GALK2: variants seen among roughly 807,000 people sequenced by gnomAD.
GALK2 encodes the protein galactokinase 2.
GALK2 carries 36 observed loss-of-function variants against 52.4 expected under a neutral mutation model. The ratio of observed to expected loss-of-function variants is 0.69; its 90% CI spans 0.53 to 0.91. GALK2 has a LOEUF of 0.91. GALK2 is among the 40% of genes least tolerant of loss of function. GALK2 has a pLI of 0.00. For missense variants in GALK2, 579 were observed against 559.1 expected, an observed-to-expected ratio of 1.04 and a Z score of -0.36; for synonymous variants, 176 against 199.1, an observed-to-expected ratio of 0.88 and a Z score of 0.98.
intron 8 of GALK2, among the ~76,000 whole-genome samples, chr15:49,300,216 T>C (rs1174348986): frequency 6.6e-6 from 1 of 152,076 alleles, no homozygotes; most frequent in African/African-American, 2.4e-5. Flanking sequence ...TTTTTGATCA[T>C]TGTTAGCTTT....
At chr15:49,280,414 C>T (rs1217838429) in intron 5 of GALK2, among the ~76,000 whole-genome samples, 1 of 152,064 alleles carries the variant, frequency 6.6e-6, no homozygotes, top group Non-Finnish European at 1.5e-5. Context: ...TTTGTAAAGA[C>T]AATGAGATGT....
chr15:49,239,283 A>C lies in GALK2; in HGVS notation c.420A>C (p.Pro140=), dbSNP rs2090981223. The C allele has an allele frequency of 1.9e-6, 3 of 1,614,090 alleles. No individual in the cohort carries two copies. Among genetic ancestry groups the C allele is most frequent in the Non-Finnish European group, 2.5e-6 (3 of 1,179,992 alleles). The change falls in exon 5 of 10, where the codon CCA becomes CCC. Residue 140 remains proline, a synonymous_variant. Transcript: ENST00000560031. ...MNCLVDGNIP[P]SSGLSSSSAL... is the part of the protein sequence containing the mutation. ...GCCTGGTAGATGGAAATATCCCACC[A>C]AGTTCTGGCCTCTCCAGCTCCAGTG...
At chr15:49,274,611 T>G (rs768851014) in intron 5 of GALK2, among the ~76,000 whole-genome samples, 2 of 152,216 alleles carry the variant, frequency 1.3e-5, no homozygotes, top group Non-Finnish European at 2.9e-5. Context: ...TAGCTTGCTG[T>G]AACTTTCTTA....
chr15:49,334,410 T>C (rs1350604584), downstream of GALK2: 1 of 169,286 alleles, frequency 5.9e-6, no homozygotes, highest in African/African-American at 2.4e-5. Flanking sequence ...TACAAACCAA[T>C]TCATTCCCTC....
chr15:49,156,305 G>C (rs2084446840), intron 1 of GALK2: 1 of 440,274 alleles, frequency 2.3e-6, no homozygotes, highest in South Asian at 2.2e-5. Context: ...CTGTGAACCT[G>C]AGGGCATCAT....
chr15:49,353,471 C>T (rs1331886689), intron 3 of GALK2: 1 of 152,076 alleles, frequency 6.6e-6, no homozygotes, highest in Non-Finnish European at 1.5e-5. Context: ...ATTTTTAGGC[C>T]TGTATGTTTT....
chr15:49,364,507 A>C (rs550045918), intron 3 of GALK2, among the ~76,000 whole-genome samples: 7 of 151,994 alleles, frequency 4.6e-5, no homozygotes, highest in Non-Finnish European at 8.8e-5. Context: ...GTTTCTCTAC[A>C]GCTGAAAAAA....
At chr15:49,357,183 G>C (rs572217709) in intron 3 of GALK2, among the ~76,000 whole-genome samples, 1 of 149,436 alleles carries the variant, frequency 6.7e-6, no homozygotes, top group South Asian at 2.1e-4. Context: ...AACTAGAAAA[G>C]CAAGAGCAAA....
At chr15:49,269,396 A>G (rs1177630310) in intron 5 of GALK2, among the ~76,000 whole-genome samples, 1 of 152,304 alleles carries the variant, frequency 6.6e-6, no homozygotes, top group East Asian at 1.9e-4. Flanking sequence ...CATAGGCCTC[A>G]TAAACATGGG....
At chr15:49,303,103 G>A (rs2035249097) in intron 8 of GALK2, among the ~76,000 whole-genome samples, 1 of 152,000 alleles carries the variant, frequency 6.6e-6, no homozygotes, top group African/African-American at 2.4e-5. Flanking sequence ...TTGTCTGGCT[G>A]TGGAGGACAG....
At chr15:49,172,122 T>G (rs1194302687) in intron 1 of GALK2, among the ~76,000 whole-genome samples, 1 of 152,234 alleles carries the variant, frequency 6.6e-6, no homozygotes, top group African/African-American at 2.4e-5. Context: ...ATTCCTAATG[T>G]GTTTCCATTT....
At chr15:49,201,780 A>G (rs2087798010) in intron 2 of GALK2, among the ~76,000 whole-genome samples, 1 of 152,210 alleles carries the variant, frequency 6.6e-6, no homozygotes, top group Non-Finnish European at 1.5e-5. Flanking sequence ...CCCTATATAT[A>G]ATAATTGACA....
At chr15:49,275,162 T>C (rs1030826124) in intron 5 of GALK2, among the ~76,000 whole-genome samples, 2 of 152,222 alleles carry the variant, frequency 1.3e-5, no homozygotes, top group Non-Finnish European at 2.9e-5. Flanking sequence ...TGTAATGTGA[T>C]GTTACAACAG....
At chr15:49,242,247 A>G (rs531360298) in intron 5 of GALK2, among the ~76,000 whole-genome samples, 1 of 152,336 alleles carries the variant, frequency 6.6e-6, no homozygotes, top group African/African-American at 2.4e-5. Context: ...AGAGTTTAAT[A>G]AAGAGACTTT....
At chr15:49,269,330 G>A (rs17396747) in intron 5 of GALK2, among the ~76,000 whole-genome samples, 25,790 of 152,090 alleles carry the variant, frequency 0.17, 2,461 homozygotes, top group Non-Finnish European at 0.21. Flanking sequence ...CAAGGTCAGG[G>A]GCCTGGTAGA....
Position 49,235,856 on chromosome 15 carries a change from T to C in GALK2, c.272T>C (p.Phe91Ser). Reference protein sequence around the residue: ...LANTNPLYPDFSTSANNIQID... With the variant: ...LANTNPLYPDSSTSANNIQID... Reference sequence around the variant, plus strand: ...GGTGTCTTTTGTCTTCGCAGGGACTTCAGTACTAGTGCTAATAACATCCAG... The same window carrying C: ...GGTGTCTTTTGTCTTCGCAGGGACTCCAGTACTAGTGCTAATAACATCCAG... Residue 91 changes from phenylalanine (F) to serine (S), a missense_variant, in exon 4 of 10, where the codon TTC becomes TCC. Physicochemically the swap from Phe to Ser is radical, Grantham distance 155. Coordinates refer to ENST00000560031, the MANE Select transcript of GALK2 (RefSeq NM_002044.4). 6.2e-7 allele frequency: 1 copy of C among 1,609,610 alleles called. No homozygotes were observed. Among genetic ancestry groups the C allele is most frequent in the Non-Finnish European group, 8.5e-7 (1 of 1,176,132 alleles).
At chr15:49,318,613 A>C (rs79453279) in intron 8 of GALK2, among the ~76,000 whole-genome samples, 1 of 152,142 alleles carries the variant, frequency 6.6e-6, no homozygotes, top group Non-Finnish European at 1.5e-5. Context: ...ATTTTCTTCT[A>C]TGATAAATAA....
chr15:49,283,171 T>C (rs1184274178), intron 6 of GALK2, among the ~76,000 whole-genome samples: 2 of 152,228 alleles, frequency 1.3e-5, no homozygotes, highest in Admixed American at 1.3e-4. Context: ...AGAAACCCTC[T>C]GTCTGCCCTA....
At chr15:49,160,009 C>T (rs1045254094) in intron 1 of GALK2, among the ~76,000 whole-genome samples, 8 of 152,060 alleles carry the variant, frequency 5.3e-5, no homozygotes, top group South Asian at 2.1e-4. Flanking sequence ...CACGGTGGCT[C>T]GTGCTTGTAA....
Sources: allele counts gnomAD v4.1 joint callset (sites outside exome capture counted in the v4.1 genomes callset), GRCh38; gene constraint gnomAD v4.1.1; transcripts MANE v1.5; gene names NCBI Gene and HGNC (gene_info 2026-07-23, HGNC 2026-07-21).